ATF7IP2: variants seen among roughly 807,000 people sequenced by gnomAD.
ATF7IP2 encodes activating transcription factor 7 interacting protein 2.
ATF7IP2 carries 42 observed loss-of-function variants against 64.2 expected under a neutral mutation model. The ratio of observed to expected loss-of-function variants is 0.65; its 90% CI spans 0.51 to 0.85. The LOEUF (loss-of-function observed/expected upper bound fraction) is 0.85, where lower values mean the gene tolerates loss of function less well. ATF7IP2 is among the 40% of genes least tolerant of loss of function. The pLI is 0.00. For synonymous variants in ATF7IP2, 308 were observed against 272.8 expected, an observed-to-expected ratio of 1.13 and a Z score of -1.27; for missense variants, 933 against 784.2, an observed-to-expected ratio of 1.19 and a Z score of -2.27.
At chr16:10,478,235 A>G (rs1441402392) in intron 12 of ATF7IP2, among the ~76,000 whole-genome samples, 5 of 149,086 alleles carry the variant, frequency 3.4e-5, no homozygotes, top group Admixed American at 1.3e-4. Flanking sequence ...GAGGCATCAC[A>G]CTACCTGACT....
At chr16:10,432,141 C>T (rs1414735565) in intron 5 of ATF7IP2, among the ~76,000 whole-genome samples, 1 of 151,894 alleles carries the variant, frequency 6.6e-6, no homozygotes, top group South Asian at 2.1e-4. Flanking sequence ...CCAGCCAACC[C>T]TATTTCTTTC....
At chr16:10,452,174 T>C (rs2049006665) in intron 8 of ATF7IP2, among the ~76,000 whole-genome samples, 1 of 152,228 alleles carries the variant, frequency 6.6e-6, no homozygotes, top group Non-Finnish European at 1.5e-5. Context: ...GGCAAGTAGT[T>C]GTGATCCTTT....
chr16:10,449,712 C>T (rs939975812), intron 8 of ATF7IP2: 2 of 152,088 alleles, frequency 1.3e-5, no homozygotes, highest in South Asian at 2.1e-4. Context: ...CTTTATTAGT[C>T]AGGCTAGCGG....
chr16:10,409,969 G>A (rs2047720166), intron 1 of ATF7IP2, among the ~76,000 whole-genome samples: 1 of 152,208 alleles, frequency 6.6e-6, no homozygotes. Flanking sequence ...CTGTTTTGGT[G>A]ACTATGGCCT....
At chr16:10,444,742 G>A (rs998165111) in intron 8 of ATF7IP2, among the ~76,000 whole-genome samples, 6 of 152,158 alleles carry the variant, frequency 3.9e-5, no homozygotes, top group African/African-American at 1.4e-4. Flanking sequence ...GGATGCCATG[G>A]AGTATGATAT....
chr16:10,421,567 A>G (rs748696077), intron 3 of ATF7IP2, among the ~76,000 whole-genome samples: 50 of 152,188 alleles, frequency 3.3e-4, no homozygotes, highest in South Asian at 8.3e-4. Flanking sequence ...GCACAATGGT[A>G]GTATCATTTA....
chr16:10,473,842 AT>A, intron 11 of ATF7IP2, 80 bp from the exon 12 acceptor site: 3 of 913,914 alleles, frequency 3.3e-6, no homozygotes, highest in Non-Finnish European at 4.9e-6. Context: ...ACCATTTAAA[AT>A]TACCAAATGG....
At chr16:10,436,416 G>T (rs1451366605) in intron 6 of ATF7IP2, among the ~76,000 whole-genome samples, 1 of 151,398 alleles carries the variant, frequency 6.6e-6, no homozygotes, top group East Asian at 1.9e-4. Context: ...AATACATTTT[G>T]AGCACATTCA....
chr16:10,481,037 G>GAA, intron 13 of ATF7IP2, 73 bp downstream of exon 13: 1 of 1,120,420 alleles, frequency 8.9e-7, no homozygotes, highest in Admixed American at 1.8e-5. Flanking sequence ...TACTCTTGAA[G>GAA]AAACATTTGG....
chr16:10,448,860 T>C (rs2048895294), intron 8 of ATF7IP2: 1 of 152,160 alleles, frequency 6.6e-6, no homozygotes, highest in Admixed American at 6.5e-5. Context: ...ATAGGAGTAG[T>C]GAGAGAGAGG....
chr16:10,471,579 T>G (rs567328662), intron 9 of ATF7IP2, among the ~76,000 whole-genome samples: 1 of 152,164 alleles, frequency 6.6e-6, no homozygotes, highest in East Asian at 1.9e-4. Flanking sequence ...TGGCTTGAAA[T>G]ATTCTATAAC....
chr16:10,415,116 A>C (rs535627966), intron 2 of ATF7IP2, among the ~76,000 whole-genome samples: 23 of 152,348 alleles, frequency 1.5e-4, no homozygotes, highest in African/African-American at 5.3e-4. Context: ...TCACAGAAAT[A>C]GAGAAAACAA....
Position 10,472,194 on chromosome 16 carries a change from G to C in ATF7IP2, c.1426+11G>C. ...CATCAAATCCAACAGGTATCTTATA[G>C]CTGATTAGAATATGATCTATCAAGT... On this transcript the variant is annotated intron_variant, in intron 10 of 13. Coordinates refer to ENST00000562102, the MANE Select transcript of ATF7IP2 (RefSeq NM_001393719.1). The C allele has an allele frequency of 6.8e-7, 1 of 1,463,558 alleles. No homozygotes were observed. The highest frequency in any genetic ancestry group is 9.4e-7 in the Non-Finnish European group (1 of 1,065,338). The allele number at this position is 1,463,558 out of a possible 1,614,324, so 90.7% of individuals were successfully genotyped here.
chr16:10,417,099 A>AG (rs1463045443), intron 2 of ATF7IP2, among the ~76,000 whole-genome samples: 1 of 152,230 alleles, frequency 6.6e-6, no homozygotes, highest in Non-Finnish European at 1.5e-5. Flanking sequence ...AATCACATAA[A>AG]GGAAGAGAAA....
At chr16:10,457,269 T>C (rs1046053059) in intron 8 of ATF7IP2, 103 bp from the exon 9 acceptor site, 13 of 940,940 alleles carry the variant, frequency 1.4e-5, no homozygotes, top group African/African-American at 8.6e-5. Context: ...TAACTTATGT[T>C]TTGCCATATG....
At chr16:10,408,838 G>A (rs1052955359) in intron 1 of ATF7IP2, among the ~76,000 whole-genome samples, 2 of 152,160 alleles carry the variant, frequency 1.3e-5, no homozygotes, top group African/African-American at 4.8e-5. Context: ...AAGCTCTTTA[G>A]TTTAATTAAG....
chr16:10,394,575 T>C (rs1167090019), intron 1 of ATF7IP2, among the ~76,000 whole-genome samples: 1 of 152,148 alleles, frequency 6.6e-6, no homozygotes, highest in Non-Finnish European at 1.5e-5. Flanking sequence ...AGAATAGACT[T>C]TTGGAGTGTA....
intron 3 of ATF7IP2, among the ~76,000 whole-genome samples, chr16:10,423,105 G>T (rs374681248): frequency 6.6e-6 from 1 of 152,130 alleles, no homozygotes; most frequent in Admixed American, 6.5e-5. Flanking sequence ...TTAGCCAGGC[G>T]TGGTGGCGGG....
At chr16:10,461,920 G>A (rs189697339) in intron 9 of ATF7IP2, among the ~76,000 whole-genome samples, 1 of 152,208 alleles carries the variant, frequency 6.6e-6, no homozygotes, top group Admixed American at 6.5e-5. Context: ...ACTGATGTGT[G>A]TGGATTTATA....
Sources: gnomAD v4.1 joint callset for allele counts (sites outside exome capture counted in the v4.1 genomes callset) on GRCh38, gnomAD v4.1.1 for gene constraint, MANE v1.5 for transcripts, NCBI Gene and HGNC (gene_info 2026-07-23, HGNC 2026-07-21) for gene names.